The following ROR2 variants were observed in gnomAD, a reference collection of about 807,000 sequenced individuals.
ROR2 encodes ROR family WNT receptor 2.
In ROR2, 33 loss-of-function variants were observed where a neutral mutation model predicts 74.9. That is an observed-to-expected ratio of 0.44 (90% CI 0.33 to 0.59). ROR2 has a LOEUF of 0.59. Ranked by LOEUF, ROR2 falls within the 20% of genes least tolerant of loss-of-function variation. The pLI is 0.02. For missense variants in ROR2, 1,216 were observed against 1,313.8 expected (o/e 0.93, Z 1.15); for synonymous variants, 586 against 558.7 (o/e 1.05, Z -0.69).
intron 1 of ROR2, among the ~76,000 whole-genome samples, chr9:91,907,334 T>C (rs554366983): frequency 2.6e-5 from 4 of 152,086 alleles, no homozygotes; most frequent in African/African-American, 9.7e-5. Flanking sequence ...CACATGGGAA[T>C]GTCCTTCCCA....
At chr9:91,741,289 ACT>A (rs1187386763) in intron 4 of ROR2, among the ~76,000 whole-genome samples, 3 of 143,476 alleles carry the variant, frequency 2.1e-5, no homozygotes, top group African/African-American at 7.8e-5. Flanking sequence ...ACAGAGCAAG[ACT>A]CTGTCTCAAG....
At chr9:91,811,867 A>G (rs1827761171) in intron 1 of ROR2, among the ~76,000 whole-genome samples, 2 of 151,864 alleles carry the variant, frequency 1.3e-5, no homozygotes, top group Non-Finnish European at 2.9e-5. Context: ...ATCCCGGCAC[A>G]CTTTAAAATG....
chr9:91,806,219 G>A (rs977815893), intron 1 of ROR2, among the ~76,000 whole-genome samples: 1 of 152,178 alleles, frequency 6.6e-6, no homozygotes, highest in Non-Finnish European at 1.5e-5. Flanking sequence ...ACAGAGATCC[G>A]TTTTCAGTGC....
At chr9:91,767,445 A>C (rs1826094202) in intron 2 of ROR2, among the ~76,000 whole-genome samples, 1 of 152,200 alleles carries the variant, frequency 6.6e-6, no homozygotes, top group Admixed American at 6.5e-5. Flanking sequence ...GGCATTGAGG[A>C]TCTGCTTTTA....
At chr9:91,831,834 G>A (rs1828472411) in intron 1 of ROR2, among the ~76,000 whole-genome samples, 1 of 152,122 alleles carries the variant, frequency 6.6e-6, no homozygotes, top group East Asian at 1.9e-4. Context: ...AAAAGCAAGG[G>A]AAGGACTGCA....
chr9:91,872,340 G>A (rs1335048503), intron 1 of ROR2, among the ~76,000 whole-genome samples: 10 of 152,226 alleles, frequency 6.6e-5, no homozygotes, highest in East Asian at 3.9e-4. Context: ...GCATCTCGTC[G>A]TTTTAACTGT....
chr9:91,917,301 T>G (rs573097711), intron 1 of ROR2, among the ~76,000 whole-genome samples: 5 of 152,056 alleles, frequency 3.3e-5, no homozygotes, highest in Admixed American at 6.6e-5. Context: ...AAAATCAACA[T>G]AGGAAAAATA....
intron 1 of ROR2, among the ~76,000 whole-genome samples, chr9:91,934,375 C>CGTA (rs1831628392): frequency 6.6e-6 from 1 of 152,136 alleles, no homozygotes; most frequent in Admixed American, 6.5e-5. Flanking sequence ...ACAGAAAATA[C>CGTA]GTAGCATTGT....
intron 1 of ROR2, among the ~76,000 whole-genome samples, chr9:91,906,484 G>C (rs113235806): frequency 1.3e-5 from 2 of 152,304 alleles, no homozygotes; most frequent in African/African-American, 4.8e-5. Context: ...ACTGCAGGTA[G>C]AGTCTTAGCT....
chr9:91,916,619 G>A (rs893444642), intron 1 of ROR2, among the ~76,000 whole-genome samples: 1 of 152,116 alleles, frequency 6.6e-6, no homozygotes, highest in Non-Finnish European at 1.5e-5. Context: ...CATTATGTAC[G>A]GTTTTTTCCT....
At chr9:91,949,708 G>A in intron 1 of ROR2, among the ~76,000 whole-genome samples, 159 bp downstream of exon 1, 1 of 152,038 alleles carries the variant, frequency 6.6e-6, no homozygotes. Flanking sequence ...GGTGCGGGCC[G>A]GGAGCGGCGT....
intron 1 of ROR2, among the ~76,000 whole-genome samples, chr9:91,949,535 C>T (rs1351883230): frequency 6.6e-6 from 1 of 151,792 alleles, no homozygotes; most frequent in Admixed American, 6.6e-5. Context: ...GACTCGGGTC[C>T]CGGGCCCAGG....
intron 2 of ROR2, among the ~76,000 whole-genome samples, chr9:91,766,045 A>T (rs1050270319): frequency 4.6e-5 from 7 of 152,168 alleles, no homozygotes; most frequent in African/African-American, 1.7e-4. Flanking sequence ...CTATCCCTGC[A>T]TATTCTCAAG....
chr9:91,745,366 C>A (rs1340002208), intron 4 of ROR2, among the ~76,000 whole-genome samples: 2 of 151,506 alleles, frequency 1.3e-5, no homozygotes, highest in African/African-American at 4.8e-5. Context: ...CTCAGATGAT[C>A]CACCCACCTT....
chr9:91,948,074 C>G, intron 1 of ROR2, among the ~76,000 whole-genome samples: 1 of 152,110 alleles, frequency 6.6e-6, no homozygotes, highest in East Asian at 1.9e-4. Flanking sequence ...TTTGTACATT[C>G]ACTGGAAACT....
chr9:91,941,059 G>A (rs1367599625), intron 1 of ROR2, among the ~76,000 whole-genome samples: 3 of 141,352 alleles, frequency 2.1e-5, no homozygotes, highest in Admixed American at 7.4e-5. Context: ...CTGCCATGGC[G>A]CTATCTCGGC....
intron 2 of ROR2, 76 bp from the exon 3 acceptor site, chr9:91,757,635 TG>T (rs1362702976): frequency 9.1e-6 from 14 of 1,535,084 alleles, no homozygotes; most frequent in Middle Eastern, 1.8e-4. Context: ...GGCTCTGCTA[TG>T]AACTCTTCCA....
intron 1 of ROR2, among the ~76,000 whole-genome samples, chr9:91,792,923 C>CA (rs1156434290): frequency 1.3e-5 from 2 of 151,804 alleles, no homozygotes; most frequent in African/African-American, 4.8e-5. Flanking sequence ...GAAACAAAAC[C>CA]AAAAAACCCT....
Position 91,869,629 on chromosome 9 carries a change from G to A in ROR2, c.97+80238C>T, listed in dbSNP as rs546158225. ...CTTAAAAAGACAAAGCTACTATAGG[G>A]ACAGAAAAAAAGACAAGTGGTTGCC... On this transcript the variant is annotated intron_variant, in intron 1 of 8. Coordinates refer to ENST00000375708, the MANE Select transcript of ROR2 (RefSeq NM_004560.4). 2.0e-5 allele frequency among the ~76,000 whole-genome samples: 3 copies of A among 151,998 alleles called. No homozygotes were observed. In the South Asian group the frequency reaches 6.3e-4, roughly 32 times the overall value.
Sources: allele counts gnomAD v4.1 joint callset (sites outside exome capture counted in the v4.1 genomes callset), GRCh38; gene constraint gnomAD v4.1.1; transcripts MANE v1.5; gene names NCBI Gene and HGNC (gene_info 2026-07-23, HGNC 2026-07-21).